The following VIPR1 variants were observed in gnomAD, a reference collection of about 807,000 sequenced individuals.
The protein encoded by VIPR1 is vasoactive intestinal peptide receptor 1, also known as vasoactive intestinal polypeptide receptor 1.
A neutral mutation model predicts 58.8 loss-of-function variants in VIPR1; 59 were observed. That is an observed-to-expected ratio of 1.00 (90% CI 0.81 to 1.25). The LOEUF is 1.25. VIPR1 is among the 50% of genes most tolerant of loss of function. The pLI, the probability that VIPR1 is intolerant of heterozygous loss-of-function variation, is 0.00. For synonymous variants in VIPR1, 251 were observed against 242.1 expected, an observed-to-expected ratio of 1.04 and a Z score of -0.34; for missense variants, 626 against 602.7, an observed-to-expected ratio of 1.04 and a Z score of -0.40.
In VIPR1 at chr3:42,491,596, A is replaced by G. The variant is rs540125009; in HGVS notation, c.-245+1918A>G. On this transcript the variant is annotated intron_variant, in intron 1 of 13. Transcript: ENST00000433647. ...TTTGTTTGTTTTTTGTTTGTTTGAC[A>G]TGGAGTCTCACTGTGTCACCCAGGC... Among the ~76,000 whole-genome samples the G allele has an allele frequency of 2.8e-4, 43 of 152,152 alleles. No individual in the cohort carries two copies. In the East Asian group the frequency reaches 7.7e-3, roughly 27 times the overall value.
chr3:42,504,902 CAAAAAAAAA>C (rs56310463), intron 1 of VIPR1, among the ~76,000 whole-genome samples: 1 of 52,962 alleles, frequency 1.9e-5, no homozygotes, highest in African/African-American at 7.2e-5. Flanking sequence ...AAAAGGGAGG[CAAAAAAAAA>C]AAAAAAAAAA....
intron 1 of VIPR1, among the ~76,000 whole-genome samples, chr3:42,505,664 T>G (rs1337237207): frequency 1.3e-5 from 2 of 152,262 alleles, no homozygotes; most frequent in African/African-American, 4.8e-5. Context: ...CCTGTCCTGG[T>G]GCACTAAGAC....
intron 1 of VIPR1, among the ~76,000 whole-genome samples, chr3:42,503,555 G>A (rs1214071551): frequency 3.9e-5 from 6 of 152,116 alleles, no homozygotes; most frequent in South Asian, 2.1e-4. Context: ...ATGTGTACTC[G>A]TGTGCCCCAT....
intron 2 of VIPR1, 125 bp downstream of exon 2, chr3:42,513,979 G>A (rs1323031962): frequency 2.8e-6 from 3 of 1,067,832 alleles, no homozygotes; most frequent in Non-Finnish European, 4.1e-6. Context: ...GAGCGGCTGG[G>A]GAGCCAGATG....
intron 1 of VIPR1, among the ~76,000 whole-genome samples, chr3:42,495,659 A>T (rs1238422748): frequency 6.6e-6 from 1 of 151,948 alleles, no homozygotes; most frequent in Non-Finnish European, 1.5e-5. Context: ...GCTGCAGCAG[A>T]TACTCTCTTG....
At chr3:42,532,131 T>C (rs1701596891) in intron 9 of VIPR1, 111 bp from the exon 10 acceptor site, 3 of 1,150,174 alleles carry the variant, frequency 2.6e-6, no homozygotes, top group Non-Finnish European at 3.9e-6. Context: ...AGAGGTAAGA[T>C]AGAGAGAGGG....
chr3:42,532,211 G>C (rs1021579481), intron 9 of VIPR1, 31 bp from the exon 10 acceptor site: 2 of 1,609,954 alleles, frequency 1.2e-6, no homozygotes, highest in Non-Finnish European at 1.7e-6. Flanking sequence ...TTCCCGCTCT[G>C]ACTGCCCGAA....
intron 1 of VIPR1, among the ~76,000 whole-genome samples, chr3:42,504,902 CAAAAAAA>C (rs56310463): frequency 2.1e-3 from 111 of 52,972 alleles, no homozygotes; most frequent in Middle Eastern, 0.017. Context: ...AAAAGGGAGG[CAAAAAAA>C]AAAAAAAAAA....
intron 1 of VIPR1, among the ~76,000 whole-genome samples, chr3:42,504,844 CT>C (rs1403594954): frequency 6.8e-6 from 1 of 147,842 alleles, no homozygotes; most frequent in African/African-American, 2.5e-5. Context: ...GGCCTTATCA[CT>C]CCTGTTTATG....
intron 1 of VIPR1, 114 bp downstream of exon 1, chr3:42,502,927 T>C (rs1406959767): frequency 8.6e-6 from 7 of 817,380 alleles, no homozygotes; most frequent in African/African-American, 5.4e-5. Flanking sequence ...GTAAGAGGAA[T>C]AGGGGACATC....
chr3:42,528,184 TCTC>T (rs1431482272), intron 6 of VIPR1, 61 bp downstream of exon 6: 62 of 1,565,614 alleles, frequency 4.0e-5, no homozygotes, highest in Non-Finnish European at 5.2e-5. Flanking sequence ...ACCACTGTAA[TCTC>T]CTCTTCTCCC....
chr3:42,502,609 C>T (rs1699912885), upstream of VIPR1: 5 of 696,578 alleles, frequency 7.2e-6, no homozygotes, highest in Non-Finnish European at 9.9e-6. Flanking sequence ...CCCTGAGCTG[C>T]GCCTCTTAGC....
intron 9 of VIPR1, 76 bp downstream of exon 9, chr3:42,531,945 G>C: frequency 6.5e-7 from 1 of 1,538,314 alleles, no homozygotes; most frequent in Non-Finnish European, 9.0e-7. Flanking sequence ...GGTCACATGG[G>C]AAATTAGTAT....
At chr3:42,493,240 C>T (rs1699699046) in intron 1 of VIPR1, among the ~76,000 whole-genome samples, 1 of 152,158 alleles carries the variant, frequency 6.6e-6, no homozygotes, top group African/African-American at 2.4e-5. Flanking sequence ...TTGCAGGCCA[C>T]GGTCCCTGTC....
intron 1 of VIPR1, chr3:42,512,160 G>A (rs1482816548): frequency 6.6e-6 from 1 of 152,298 alleles, no homozygotes; most frequent in African/African-American, 2.4e-5. Context: ...AGGTCTGGAT[G>A]CTGGGGAAAT....
At chr3:42,531,723 G>C (rs938065422) in intron 8 of VIPR1, 80 bp from the exon 9 acceptor site, 7 of 1,591,886 alleles carry the variant, frequency 4.4e-6, no homozygotes, top group Non-Finnish European at 6.0e-6. Flanking sequence ...GAGCAGAGCT[G>C]GGGACAACTG....
At chr3:42,535,458 A>G (rs1701793649) in intron 12 of VIPR1, 74 bp downstream of exon 12, 2 of 1,521,104 alleles carry the variant, frequency 1.3e-6, no homozygotes, top group Non-Finnish European at 1.8e-6. Flanking sequence ...TTGGTGGGAT[A>G]TGTGCAGAGC....
At chr3:42,527,666 G>T (rs571748497) in intron 5 of VIPR1, 170 bp downstream of exon 5, 5 of 690,810 alleles carry the variant, frequency 7.2e-6, no homozygotes, top group Non-Finnish European at 1.2e-5. Context: ...GCAGGTGGCT[G>T]AGCTCTTCCA....
Position 42,490,784 on chromosome 3 carries a change from G to T in VIPR1, c.-245+1106G>T, listed in dbSNP as rs182996635. Among the ~76,000 whole-genome samples the T allele has an allele frequency of 2.6e-4, 40 of 152,266 alleles. No individual in the cohort carries two copies. The East Asian group carries it at 7.7e-3, about 29-fold the overall frequency. On this transcript the variant is annotated intron_variant, in intron 1 of 13. Coordinates refer to the VIPR1 transcript ENST00000433647. ...GACTGGCATTGAGAAGAGAGGTGGGGAGCCATGGGAATACCGGGGAAGAGC... is the reference window on the plus strand; with the variant it reads ...GACTGGCATTGAGAAGAGAGGTGGGTAGCCATGGGAATACCGGGGAAGAGC...
Sources: gnomAD v4.1 joint callset for allele counts (sites outside exome capture counted in the v4.1 genomes callset) on GRCh38, gnomAD v4.1.1 for gene constraint, MANE v1.5 for transcripts, NCBI Gene and HGNC (gene_info 2026-07-23, HGNC 2026-07-21) for gene names.